Variants in PCDHGA1 observed in about 807,000 individuals in gnomAD.
The protein encoded by PCDHGA1 is protocadherin gamma-A1.
PCDHGA1 carries 32 observed loss-of-function variants against 58.0 expected under a neutral mutation model. The observed-to-expected ratio is 0.55, with a 90% CI of 0.42 to 0.74. The LOEUF (loss-of-function observed/expected upper bound fraction) is 0.74. Among genes scored for constraint, PCDHGA1 ranks in the 30% least tolerant of loss-of-function variants. The pLI, the probability that PCDHGA1 is intolerant of heterozygous loss-of-function variation, is 0.00. For synonymous variants in PCDHGA1, 498 were observed against 501.1 expected, an observed-to-expected ratio of 0.99 and a Z score of 0.08; for missense variants, 1,205 against 1,182.3, an observed-to-expected ratio of 1.02 and a Z score of -0.28.
intron 1 of PCDHGA1, among the ~76,000 whole-genome samples, chr5:141,482,207 G>T (rs983812650): frequency 6.6e-6 from 1 of 152,130 alleles, no homozygotes; most frequent in East Asian, 1.9e-4. Flanking sequence ...AAACAGACCA[G>T]GTACTTGTTT....
In PCDHGA1 at chr5:141,505,090, A is replaced by C. The variant is rs1018571873; in HGVS notation, c.2481-303A>C. Among the ~76,000 whole-genome samples the C allele has an allele frequency of 3.9e-5, 6 of 152,188 alleles. 1 individual carries two copies. The South Asian group carries it at 1.2e-3, about 31-fold the overall frequency. ...GGCAGGAGAATCGCTTGAACCCAGG[A>C]GGTGGATGTTGCAATGAGCCAAGAT... On this transcript the variant is annotated intron_variant, in intron 2 of 3. Transcript: ENST00000517417.
intron 1 of PCDHGA1, chr5:141,344,600 C>T (rs1245863131): frequency 1.2e-6 from 2 of 1,613,818 alleles, no homozygotes. Flanking sequence ...CTGAGGGGGC[C>T]AAGTATCCAG....
At chr5:141,417,693 A>T in intron 1 of PCDHGA1, 1 of 1,091,256 alleles carries the variant, frequency 9.2e-7, no homozygotes, top group Non-Finnish European at 1.3e-6. Context: ...AAAGAAAACC[A>T]GCTCCCACAC....
Position 141,432,149 on chromosome 5 carries a change from A to G in PCDHGA1, c.2422-62658A>G. The G allele has an allele frequency of 6.2e-7, 1 of 1,613,964 alleles. No individual in the cohort carries two copies. The highest frequency in any genetic ancestry group is 8.5e-7 in the Non-Finnish European group (1 of 1,179,986). On this transcript the variant is annotated intron_variant, in intron 1 of 3. Transcript: ENST00000517417. This position sits in a 1 kb window ranked among gnomAD's most constrained non-coding sequence, Gnocchi z 6.0. Reference sequence around the variant, plus strand: ...CTCCTATTCCGCTTATATCCCAGAGAACAATCCCAGAGGAGTTTCCCTCGT... The same window carrying G: ...CTCCTATTCCGCTTATATCCCAGAGGACAATCCCAGAGGAGTTTCCCTCGT...
At chr5:141,407,309 A>C (rs1197028846) in intron 1 of PCDHGA1, among the ~76,000 whole-genome samples, 1 of 152,240 alleles carries the variant, frequency 6.6e-6, no homozygotes, top group African/African-American at 2.4e-5. Flanking sequence ...AGTAGCCTTC[A>C]TACTTAGTAT....
Position 141,331,376 on chromosome 5 carries a change from A to C in PCDHGA1, c.692A>C (p.Gln231Pro). Residue 231 changes from glutamine (Q) to proline (P), a missense_variant, in exon 1 of 4, where the codon CAG (glutamine) becomes CCG (proline). Gln to Pro is a moderately conservative substitution (Grantham distance 76). Coordinates refer to ENST00000517417, the MANE Select transcript of PCDHGA1 (RefSeq NM_018912.3). Reference protein sequence around the residue: ...VRSGTLRIYIQVVDANDNPPA... With the variant: ...VRSGTLRIYIPVVDANDNPPA... ...TCAGGGACCCTCAGAATTTACATTC[A>C]GGTGGTGGATGCAAATGACAATCCT... 6.2e-7 allele frequency: 1 copy of C among 1,614,206 alleles called. No homozygotes were observed. Among genetic ancestry groups the C allele is most frequent in the Middle Eastern group, 1.6e-4 (1 of 6,062 alleles).
At chr5:141,348,468 A>G (rs1758125507) in intron 1 of PCDHGA1, among the ~76,000 whole-genome samples, 1 of 152,228 alleles carries the variant, frequency 6.6e-6, no homozygotes, top group African/African-American at 2.4e-5. Context: ...TAGTATTAGT[A>G]TCACTTTCCC....
chr5:141,422,030 C>G, intron 1 of PCDHGA1: 1 of 1,609,592 alleles, frequency 6.2e-7, no homozygotes, highest in African/African-American at 1.3e-5. Flanking sequence ...GTTAATGCAA[C>G]GGATCCAGAC....
At chr5:141,333,298 GA>G in intron 1 of PCDHGA1, 193 bp downstream of exon 1, 1 of 857,554 alleles carries the variant, frequency 1.2e-6, no homozygotes, top group Non-Finnish European at 1.8e-6. Context: ...TTCTTGCACT[GA>G]AAAGGAGACT....
rs769652961 is a variant in PCDHGA1, at chr5:141,489,435, A to G, written c.2422-5372A>G. ...CAGATCTGTTGAGCCGGCGGCTGCAATTGGGCTCTGAGGAGAATGGGCGCT... is the reference window on the plus strand; with the variant it reads ...CAGATCTGTTGAGCCGGCGGCTGCAGTTGGGCTCTGAGGAGAATGGGCGCT... On this transcript the variant is annotated intron_variant, in intron 1 of 3. Coordinates refer to ENST00000517417, the MANE Select transcript of PCDHGA1 (RefSeq NM_018912.3). This position sits in a 1 kb window ranked among gnomAD's most constrained non-coding sequence, Gnocchi z 4.5. 2 of 1,614,138 alleles carry G rather than the reference A, an allele frequency of 1.2e-6. No homozygotes were observed. The highest frequency in any genetic ancestry group is 1.7e-6 in the Non-Finnish European group (2 of 1,180,024).
chr5:141,470,627 G>A (rs977900352), intron 1 of PCDHGA1, among the ~76,000 whole-genome samples: 3 of 152,154 alleles, frequency 2.0e-5, no homozygotes, highest in Non-Finnish European at 2.9e-5. Flanking sequence ...TGCTTAGATA[G>A]GCCCCCTTGC....
chr5:141,365,777 G>C, intron 1 of PCDHGA1: 1 of 1,613,854 alleles, frequency 6.2e-7, no homozygotes, highest in Non-Finnish European at 8.5e-7. Flanking sequence ...CGACAGCGGC[G>C]ACAACGCTCG....
At chr5:141,410,767 G>T in intron 1 of PCDHGA1, 6 of 942,270 alleles carry the variant, frequency 6.4e-6, no homozygotes, top group South Asian at 2.2e-5. Context: ...TTCAATTATA[G>T]TTTTCACTAT....
At chr5:141,333,287 G>A in intron 1 of PCDHGA1, 182 bp downstream of exon 1, 1 of 921,040 alleles carries the variant, frequency 1.1e-6, no homozygotes, top group Middle Eastern at 3.2e-4. Flanking sequence ...ATTTATAATT[G>A]TTCTTGCACT....
chr5:141,460,961 ATG>A (rs35821115), intron 1 of PCDHGA1, among the ~76,000 whole-genome samples: 22,194 of 144,260 alleles, frequency 0.15, 1,877 homozygotes, highest in South Asian at 0.27. Context: ...GTATATATAT[ATG>A]TGTGTGTGTG....
chr5:141,433,582 T>TCCCA (rs758953161), intron 1 of PCDHGA1, among the ~76,000 whole-genome samples: 4 of 151,942 alleles, frequency 2.6e-5, no homozygotes, highest in Non-Finnish European at 5.9e-5. Flanking sequence ...ACGCCTGTAA[T>TCCCA]CCCAGTACTT....
chr5:141,357,306 C>A (rs761493933), intron 1 of PCDHGA1: 4 of 1,614,076 alleles, frequency 2.5e-6, no homozygotes, highest in South Asian at 1.1e-5. Context: ...CTGTCTCCTG[C>A]GTCTTCCTGG....
intron 1 of PCDHGA1, chr5:141,399,117 A>C (rs370431268): frequency 6.2e-6 from 10 of 1,613,848 alleles, no homozygotes; most frequent in Non-Finnish European, 8.5e-6. Flanking sequence ...GTACAGTTGA[A>C]ATTAATATTC....
chr5:141,420,321 C>G (rs763682825), intron 1 of PCDHGA1: 2 of 1,410,974 alleles, frequency 1.4e-6, no homozygotes, highest in Non-Finnish European at 1.9e-6. Flanking sequence ...TACAATATGC[C>G]AATATATTCC....
Sources: gnomAD v4.1 joint callset for allele counts (sites outside exome capture counted in the v4.1 genomes callset) on GRCh38, gnomAD v4.1.1 for gene constraint, Gnocchi (gnomAD v3.1) non-coding constraint, MANE v1.5 for transcripts, NCBI Gene and HGNC (gene_info 2026-07-23, HGNC 2026-07-21) for gene names.